The following DNAH8 variants were observed in gnomAD, a reference collection of about 807,000 sequenced individuals.
The protein encoded by DNAH8 is axonemal beta dynein heavy chain 8.
DNAH8 carries 382 observed loss-of-function variants against 562.1 expected under a neutral mutation model. That is an observed-to-expected ratio of 0.68 (90% CI 0.63 to 0.74). The LOEUF (loss-of-function observed/expected upper bound fraction) is 0.74. Among genes scored for constraint, DNAH8 ranks in the 30% least tolerant of loss-of-function variants. The probability of loss-of-function intolerance (pLI) is 0.00; values close to 1 mark genes in which losing one functional copy is unlikely to be tolerated. For synonymous variants in DNAH8, 1,881 were observed against 1,919.4 expected (o/e 0.98, Z 0.52); for missense variants, 5,203 against 5,620.4 (o/e 0.93, Z 2.37).
intron 68 of DNAH8, among the ~76,000 whole-genome samples, chr6:38,916,198 C>T (rs1441650423): frequency 1.3e-5 from 2 of 152,178 alleles, no homozygotes; most frequent in African/African-American, 4.8e-5. Context: ...TTTGTCCCTA[C>T]ACACAATGCG....
chr6:39,018,736 A>G (rs1294723744), intron 91 of DNAH8, among the ~76,000 whole-genome samples: 2 of 152,200 alleles, frequency 1.3e-5, no homozygotes, highest in Non-Finnish European at 2.9e-5. Flanking sequence ...ACAGTGTGGA[A>G]GAGGGAAACC....
At chr6:38,776,105 T>TA (rs1768040470) in intron 13 of DNAH8, among the ~76,000 whole-genome samples, 154 bp downstream of exon 13, 1 of 152,130 alleles carries the variant, frequency 6.6e-6, no homozygotes, top group African/African-American at 2.4e-5. Context: ...GCAGTGTGAG[T>TA]AACTTTTAAA....
intron 81 of DNAH8, among the ~76,000 whole-genome samples, chr6:38,950,855 G>T (rs1236569535): frequency 2.6e-5 from 4 of 152,088 alleles, no homozygotes; most frequent in Non-Finnish European, 5.9e-5. Flanking sequence ...AGTCTGTGGG[G>T]CTTGTCTGTG....
intron 41 of DNAH8, among the ~76,000 whole-genome samples, chr6:38,856,683 A>G (rs1776226147): frequency 1.3e-5 from 2 of 152,180 alleles, no homozygotes. Flanking sequence ...CAGGAAAAGT[A>G]TCAAAGTCCC....
chr6:39,012,652 G>C lies in DNAH8; in HGVS notation c.13714+15G>C. ...TAATCCCCAAGGTATGTGCTCATAG[G>C]AGATTTGGCAAGCTTGGAATTTGTG... On this transcript the variant is annotated intron_variant, in intron 91 of 92. Transcript: ENST00000327475. 6.2e-7 allele frequency: 1 copy of C among 1,602,126 alleles called. No individual in the cohort carries two copies. Among genetic ancestry groups the C allele is most frequent in the Non-Finnish European group, 8.6e-7 (1 of 1,169,342 alleles).
chr6:38,941,024 G>A (rs532837113), intron 79 of DNAH8, among the ~76,000 whole-genome samples: 1 of 152,166 alleles, frequency 6.6e-6, no homozygotes, highest in South Asian at 2.1e-4. Flanking sequence ...GGAAGCTGAA[G>A]CAGGAGAATC....
At chr6:38,818,356 C>T (rs1264127639) in intron 26 of DNAH8, among the ~76,000 whole-genome samples, 1 of 151,720 alleles carries the variant, frequency 6.6e-6, no homozygotes, top group Admixed American at 6.6e-5. Context: ...CAAAAATCTC[C>T]TTGGACTTAT....
At position 38,973,790 on chromosome 6, in the gene DNAH8, C is replaced by T. The variant is rs747309695; in HGVS notation, c.12655C>T (p.Arg4219Ter). ...RVWITTEPHD[R>*]FPITLLQTSL... ...ATGGATAACTACGGAGCCCCATGATCGATTTCCAATTACATTGCTTCAGGT... is the reference window on the plus strand; with the variant it reads ...ATGGATAACTACGGAGCCCCATGATTGATTTCCAATTACATTGCTTCAGGT... Residue 4219 changes from arginine (R) to a stop codon, truncating the protein, a stop_gained, in exon 84 of 93, where the codon CGA (arginine) becomes TGA (stop). Coordinates refer to ENST00000327475, the MANE Select transcript of DNAH8 (RefSeq NM_001206927.2). LOFTEE classifies it high-confidence loss of function. The T allele has an allele frequency of 1.2e-6, 2 of 1,604,898 alleles. No homozygotes were observed. The highest frequency in any genetic ancestry group is 1.7e-6 in the Non-Finnish European group (2 of 1,177,298).
intron 72 of DNAH8, 144 bp from the exon 73 acceptor site, chr6:38,923,847 C>T (rs763627719): frequency 3.4e-5 from 31 of 918,762 alleles, no homozygotes; most frequent in South Asian, 8.3e-5. Flanking sequence ...CCACTTTGCA[C>T]GGTCTTTTTC....
At chr6:38,997,600 T>C (rs1583537025) in intron 88 of DNAH8, among the ~76,000 whole-genome samples, 2 of 152,150 alleles carry the variant, frequency 1.3e-5, no homozygotes, top group African/African-American at 4.8e-5. Flanking sequence ...GGTGAAAGAT[T>C]TGAATGCATG....
chr6:39,001,151 A>G (rs1240645285), intron 88 of DNAH8, among the ~76,000 whole-genome samples: 1 of 152,138 alleles, frequency 6.6e-6, no homozygotes, highest in East Asian at 1.9e-4. Flanking sequence ...AGGTTTTGCC[A>G]AAAGAGTTTG....
chr6:38,753,289 G>A (rs940128568), intron 9 of DNAH8, among the ~76,000 whole-genome samples: 8 of 152,142 alleles, frequency 5.3e-5, no homozygotes, highest in African/African-American at 1.9e-4. Flanking sequence ...TAAGGCCTTT[G>A]CTTGGCTTAC....
chr6:38,984,680 A>G (rs1408309525), intron 87 of DNAH8, among the ~76,000 whole-genome samples: 1 of 152,128 alleles, frequency 6.6e-6, no homozygotes, highest in Non-Finnish European at 1.5e-5. Context: ...AGTCCCAGCT[A>G]CTTAGGAGGC....
At chr6:38,899,666 A>G in intron 61 of DNAH8, 110 bp from the exon 62 acceptor site, 2 of 1,200,116 alleles carry the variant, frequency 1.7e-6, no homozygotes, top group East Asian at 2.6e-5. Context: ...ACGAGGAAAA[A>G]GTCTAATATC....
intron 67 of DNAH8, among the ~76,000 whole-genome samples, chr6:38,914,859 C>T (rs1038008806): frequency 3.9e-5 from 6 of 152,072 alleles, no homozygotes; most frequent in Non-Finnish European, 5.9e-5. Flanking sequence ...TGTTATTATA[C>T]AAGGCTTAAA....
chr6:38,738,799 G>A (rs542269872), intron 7 of DNAH8, among the ~76,000 whole-genome samples: 14 of 152,300 alleles, frequency 9.2e-5, no homozygotes, highest in Non-Finnish European at 2.1e-4. Context: ...GCTGGCCACA[G>A]CATTTGCTTC....
intron 82 of DNAH8, among the ~76,000 whole-genome samples, chr6:38,969,153 G>A (rs1416742671): frequency 6.6e-6 from 1 of 152,036 alleles, no homozygotes; most frequent in African/African-American, 2.4e-5. Flanking sequence ...GTTTCTTTTG[G>A]GGTTGATGAA....
chr6:39,010,116 A>G (rs1258051033), intron 89 of DNAH8, among the ~76,000 whole-genome samples: 3 of 147,876 alleles, frequency 2.0e-5, no homozygotes, highest in Non-Finnish European at 3.0e-5. Context: ...CTTCACCAAC[A>G]AGACCTTTGT....
chr6:38,849,845 A>G lies in DNAH8; in HGVS notation c.5200-406A>G, dbSNP rs368183919. On this transcript the variant is annotated intron_variant, in intron 37 of 92. Coordinates refer to ENST00000327475, the MANE Select transcript of DNAH8 (RefSeq NM_001206927.2). ...CTTTTTTTCCCCGCCTTGGGGTACT[A>G]TTGAGCTGTAATTATTCCAAGGATC... 4.7e-4 allele frequency among the ~76,000 whole-genome samples: 71 copies of G among 152,058 alleles called. 2 individuals are homozygous for G. In the East Asian group the frequency reaches 0.014, roughly 29 times the overall value.
Sources: allele counts gnomAD v4.1 joint callset (sites outside exome capture counted in the v4.1 genomes callset), GRCh38; gene constraint gnomAD v4.1.1; transcripts MANE v1.5; gene names NCBI Gene and HGNC (gene_info 2026-07-23, HGNC 2026-07-21).